PDE4D: variants seen among roughly 807,000 people sequenced by gnomAD.
PDE4D encodes the protein 3',5'-cyclic-AMP phosphodiesterase 4D.
Under a neutral mutation model 87.4 loss-of-function variants are expected in PDE4D, and 24 were observed. The ratio of observed to expected loss-of-function variants is 0.27; its 90% CI spans 0.20 to 0.39. The LOEUF (loss-of-function observed/expected upper bound fraction) is 0.39. Ranked by LOEUF, PDE4D falls within the 10% of genes least tolerant of loss-of-function variation. The pLI, the probability that PDE4D is intolerant of heterozygous loss-of-function variation, is 1.00. For missense variants in PDE4D, 714 were observed against 1,041.0 expected (o/e 0.69, Z 4.32); for synonymous variants, 384 against 383.2 (o/e 1.00, Z -0.02).
At chr5:60,429,835 T>G (rs1453153330) in intron 1 of PDE4D, 2 of 275,578 alleles carry the variant, frequency 7.3e-6, no homozygotes, top group East Asian at 2.0e-4. Context: ...GGTGGATTAG[T>G]TTTTTTTTTT....
At chr5:59,553,943 A>C (rs559413015) in intron 1 of PDE4D, among the ~76,000 whole-genome samples, 1 of 152,306 alleles carries the variant, frequency 6.6e-6, no homozygotes, top group East Asian at 1.9e-4. Flanking sequence ...TATATAATAC[A>C]ATAATAGCTA....
intron 1 of PDE4D, among the ~76,000 whole-genome samples, chr5:59,249,294 A>AT (rs1033098528): frequency 4.6e-4 from 70 of 152,092 alleles, no homozygotes; most frequent in Non-Finnish European, 8.8e-5. Flanking sequence ...GTGGATAAAG[A>AT]TTTTTTTTAA....
At position 59,334,394 on chromosome 5, in the gene PDE4D, G is replaced by A. The variant is rs184435978; in HGVS notation, c.456-118426C>T. Among the ~76,000 whole-genome samples the A allele has an allele frequency of 4.7e-3, 710 of 151,778 alleles. 2 individuals are homozygous for A. The highest frequency in any genetic ancestry group is 7.1e-3 in the Non-Finnish European group (481 of 67,936). ...CTGCCTCAGCCTCCCTAGTAGCTGG[G>A]ACTACAGGAACCTGCCATTATGCCT... is the stretch of plus-strand genomic sequence containing the variant. On this transcript the variant is annotated intron_variant, in intron 1 of 14. Transcript: ENST00000340635.
intron 1 of PDE4D, among the ~76,000 whole-genome samples, chr5:60,510,801 G>T (rs867632476): frequency 1.3e-5 from 2 of 152,196 alleles, no homozygotes; most frequent in South Asian, 2.1e-4. Flanking sequence ...TGGGAGTTAA[G>T]TGGTAAGGCA....
intron 1 of PDE4D, among the ~76,000 whole-genome samples, chr5:59,459,823 C>A (rs147917816): frequency 6.6e-6 from 1 of 152,298 alleles, no homozygotes; most frequent in East Asian, 1.9e-4. Context: ...GTTAGAGACA[C>A]ACATGCCAGA....
intron 1 of PDE4D, among the ~76,000 whole-genome samples, chr5:59,837,370 C>T (rs1017360026): frequency 3.3e-5 from 5 of 152,036 alleles, no homozygotes; most frequent in Non-Finnish European, 7.4e-5. Context: ...TAGCCTTTAA[C>T]TGTTTTAGGT....
chr5:60,510,530 C>A (rs1339028251), intron 1 of PDE4D, among the ~76,000 whole-genome samples: 1 of 152,090 alleles, frequency 6.6e-6, no homozygotes, highest in Non-Finnish European at 1.5e-5. Context: ...ACATGTCTAG[C>A]TAAAATAACA....
At chr5:60,019,548 A>G (rs919049679) in intron 2 of PDE4D, among the ~76,000 whole-genome samples, 1 of 152,198 alleles carries the variant, frequency 6.6e-6, no homozygotes, top group African/African-American at 2.4e-5. Flanking sequence ...TGCAGCTTCT[A>G]CATCATTTGC....
chr5:59,610,455 A>T (rs1392633982), intron 1 of PDE4D, among the ~76,000 whole-genome samples: 2 of 152,206 alleles, frequency 1.3e-5, no homozygotes, highest in Non-Finnish European at 2.9e-5. Context: ...CACCTTGATC[A>T]GCTTTCAACT....
intron 1 of PDE4D, among the ~76,000 whole-genome samples, chr5:59,453,995 A>C (rs1241009839): frequency 3.9e-5 from 6 of 152,218 alleles, no homozygotes; most frequent in Non-Finnish European, 7.3e-5. Flanking sequence ...AGTTGAAGCC[A>C]ATGTTCATTT....
chr5:59,755,492 T>C lies in PDE4D; in HGVS notation c.455+137676A>G, dbSNP rs557867570. ...TAAAATTGTGAAGGTGATTCAAGAA[T>C]GATCAATGTGTTAGTGAAACTGCTA... is the stretch of plus-strand genomic sequence containing the variant. On this transcript the variant is annotated intron_variant, in intron 1 of 14. Transcript: ENST00000340635. 1.1e-3 allele frequency among the ~76,000 whole-genome samples: 160 copies of C among 152,304 alleles called. 1 individual carries two copies. The highest frequency in any genetic ancestry group is 6.8e-3 in the Middle Eastern group (2 of 294).
intron 1 of PDE4D, among the ~76,000 whole-genome samples, chr5:60,360,705 C>T (rs569509427): frequency 7.2e-4 from 109 of 152,304 alleles, no homozygotes; most frequent in Non-Finnish European, 1.2e-3. Flanking sequence ...CTTCTTTTGT[C>T]ATTTTATAGG....
intron 1 of PDE4D, among the ~76,000 whole-genome samples, chr5:59,713,866 T>C (rs1174710598): frequency 6.6e-6 from 1 of 152,158 alleles, no homozygotes; most frequent in Non-Finnish European, 1.5e-5. Flanking sequence ...CCCTGAGGGA[T>C]GCAGTGCAGG....
intron 5 of PDE4D, among the ~76,000 whole-genome samples, chr5:59,043,706 TCCCCCCACCCCACAGCAGG>T (rs1161825147): frequency 1.3e-5 from 2 of 151,454 alleles, no homozygotes; most frequent in Non-Finnish European, 2.9e-5. Flanking sequence ...CCCTCCCCCT[TCCCCCCACCCCACAGCAGG>T]CCCCGGTGTG....
At chr5:60,337,388 T>TATATATATATATATAC (rs66871903) in intron 1 of PDE4D, among the ~76,000 whole-genome samples, 14 of 89,442 alleles carry the variant, frequency 1.6e-4, no homozygotes, top group Non-Finnish European at 2.0e-4. Context: ...TATATATATA[T>TATATATATATATATAC]ACACACACAC....
At chr5:59,983,421 A>T (rs191438284) in intron 3 of PDE4D, among the ~76,000 whole-genome samples, 502 of 150,872 alleles carry the variant, frequency 3.3e-3, no homozygotes, top group African/African-American at 0.012. Context: ...AACATAAAGT[A>T]AAAATTCAAG....
intron 1 of PDE4D, among the ~76,000 whole-genome samples, chr5:60,437,650 T>C (rs1744865691): frequency 6.6e-6 from 1 of 152,168 alleles, no homozygotes; most frequent in South Asian, 2.1e-4. Flanking sequence ...TTTATGTTTA[T>C]ATTAATACCC....
chr5:59,695,321 A>G (rs1751600122), intron 1 of PDE4D, among the ~76,000 whole-genome samples: 2 of 151,916 alleles, frequency 1.3e-5, no homozygotes, highest in Non-Finnish European at 2.9e-5. Context: ...TCCTCACAGT[A>G]TATTACAATT....
chr5:59,393,091 G>A (rs1016911820), intron 1 of PDE4D, among the ~76,000 whole-genome samples: 1 of 152,142 alleles, frequency 6.6e-6, no homozygotes, highest in East Asian at 1.9e-4. Context: ...GGATAATTAG[G>A]AAAATGTTAA....
Sources: gnomAD v4.1 joint callset for allele counts (sites outside exome capture counted in the v4.1 genomes callset) on GRCh38, gnomAD v4.1.1 for gene constraint, MANE v1.5 for transcripts, NCBI Gene and HGNC (gene_info 2026-07-23, HGNC 2026-07-21) for gene names.